Variants in PTPRN2 observed in about 807,000 individuals in gnomAD.
PTPRN2 encodes the protein protein tyrosine phosphatase receptor type N2.
Under a neutral mutation model 118.8 loss-of-function variants are expected in PTPRN2, and 74 were observed. The ratio of observed to expected loss-of-function variants is 0.62; its 90% CI spans 0.52 to 0.76. The LOEUF (loss-of-function observed/expected upper bound fraction) is 0.76, where lower values mean the gene tolerates loss of function less well. PTPRN2 is among the 30% of genes least tolerant of loss of function. PTPRN2 has a pLI of 0.00. For missense variants in PTPRN2, 1,481 were observed against 1,394.4 expected, an observed-to-expected ratio of 1.06 and a Z score of -0.99; for synonymous variants, 641 against 608.0, an observed-to-expected ratio of 1.05 and a Z score of -0.80.
intron 11 of PTPRN2, among the ~76,000 whole-genome samples, chr7:157,978,224 G>T (rs531942810): frequency 6.6e-6 from 1 of 152,074 alleles, no homozygotes. Context: ...CTCAGACATC[G>T]GTGAAACTCT....
chr7:157,657,296 C>A, intron 13 of PTPRN2, among the ~76,000 whole-genome samples: 1 of 70,850 alleles, frequency 1.4e-5, no homozygotes. Context: ...ACACATCACA[C>A]ATATACACAC....
intron 11 of PTPRN2, among the ~76,000 whole-genome samples, chr7:157,980,994 G>C (rs1803096906): frequency 6.6e-6 from 1 of 151,828 alleles, no homozygotes; most frequent in Non-Finnish European, 1.5e-5. Flanking sequence ...GACAGGTGGG[G>C]GGTAAGTAGC....
At chr7:158,241,210 C>T (rs1795886227) in intron 3 of PTPRN2, among the ~76,000 whole-genome samples, 1 of 152,174 alleles carries the variant, frequency 6.6e-6, no homozygotes, top group Non-Finnish European at 1.5e-5. Context: ...TGCTGACGGA[C>T]TTTAATTAGA....
chr7:157,754,063 G>A (rs1455142776), intron 12 of PTPRN2, among the ~76,000 whole-genome samples: 3 of 152,258 alleles, frequency 2.0e-5, no homozygotes, highest in East Asian at 1.9e-4. Context: ...CAGGCGTTGT[G>A]GCTGGGATCT....
At chr7:157,901,933 G>A (rs919981275) in intron 11 of PTPRN2, among the ~76,000 whole-genome samples, 3 of 150,892 alleles carry the variant, frequency 2.0e-5, no homozygotes, top group Non-Finnish European at 3.0e-5. Context: ...CTTCCCGTCC[G>A]TGTTTCCTGG....
rs368945867 is a variant in PTPRN2, at chr7:158,475,691, G to A, written c.163+14044C>T. Among the ~76,000 whole-genome samples, 3 of 152,152 alleles carry A rather than the reference G, an allele frequency of 2.0e-5. No individual in the cohort carries two copies. The South Asian group carries it at 6.2e-4, about 32-fold the overall frequency. ...TCCTACCTCCCCTCTCAGGCCTGTG[G>A]GGTCAAGCAGCTATTCTAACTACTG... On this transcript the variant is annotated intron_variant, in intron 2 of 22. Coordinates refer to ENST00000389418, the MANE Select transcript of PTPRN2 (RefSeq NM_002847.5).
At chr7:158,538,745 G>A (rs773200232) in intron 1 of PTPRN2, among the ~76,000 whole-genome samples, 10 of 152,190 alleles carry the variant, frequency 6.6e-5, no homozygotes, top group African/African-American at 2.4e-4. Context: ...ACCACGGGGC[G>A]GGAAGAGGAA....
chr7:157,645,891 C>T (rs1805038465), intron 14 of PTPRN2, among the ~76,000 whole-genome samples: 1 of 152,204 alleles, frequency 6.6e-6, no homozygotes, highest in African/African-American at 2.4e-5. Flanking sequence ...GGACACAGTC[C>T]CACCCCTTGG....
chr7:157,665,377 T>C (rs1007283193), intron 13 of PTPRN2, among the ~76,000 whole-genome samples: 4 of 152,228 alleles, frequency 2.6e-5, no homozygotes, highest in African/African-American at 9.6e-5. Context: ...TAATTAAATA[T>C]GAATGAAGAA....
intron 9 of PTPRN2, among the ~76,000 whole-genome samples, chr7:158,129,767 G>A (rs1448101693): frequency 5.9e-5 from 9 of 152,280 alleles, no homozygotes; most frequent in Middle Eastern, 3.4e-3. Flanking sequence ...GTGCAGACAC[G>A]CAGCCTCAGA....
chr7:158,352,583 A>G (rs1351519155), intron 2 of PTPRN2, among the ~76,000 whole-genome samples: 2 of 152,220 alleles, frequency 1.3e-5, no homozygotes, highest in Admixed American at 1.3e-4. Flanking sequence ...AGGTGAGGTC[A>G]GGCAGCAGAA....
At chr7:158,319,194 A>G (rs1802596546) in intron 2 of PTPRN2, among the ~76,000 whole-genome samples, 1 of 152,232 alleles carries the variant, frequency 6.6e-6, no homozygotes, top group African/African-American at 2.4e-5. Context: ...TAATAATTTT[A>G]GCTACTTGAC....
chr7:158,401,490 C>T (rs918799996), intron 2 of PTPRN2, among the ~76,000 whole-genome samples: 5 of 152,200 alleles, frequency 3.3e-5, no homozygotes, highest in Admixed American at 3.3e-4. Context: ...CGATGGACCC[C>T]AAGGGAGCAG....
intron 6 of PTPRN2, among the ~76,000 whole-genome samples, chr7:158,153,174 C>G (rs993743107): frequency 6.6e-6 from 1 of 152,186 alleles, no homozygotes; most frequent in Non-Finnish European, 1.5e-5. Flanking sequence ...CCCAGGCCAT[C>G]AAGCATTCGG....
At chr7:157,652,541 T>G (rs535023582) in intron 14 of PTPRN2, among the ~76,000 whole-genome samples, 44 of 152,318 alleles carry the variant, frequency 2.9e-4, no homozygotes, top group African/African-American at 1.0e-3. Flanking sequence ...ACCCAGCGGC[T>G]GCCCCAATGA....
chr7:158,092,875 G>A (rs1317860014), intron 10 of PTPRN2, among the ~76,000 whole-genome samples: 1 of 152,150 alleles, frequency 6.6e-6, no homozygotes, highest in Non-Finnish European at 1.5e-5. Context: ...TTGAGTAGGT[G>A]GGCGCAAACC....
intron 2 of PTPRN2, among the ~76,000 whole-genome samples, chr7:158,359,505 G>A (rs183606891): frequency 6.6e-6 from 1 of 152,288 alleles, no homozygotes; most frequent in East Asian, 1.9e-4. Flanking sequence ...ACGAAGGCCT[G>A]CCCAAGGACT....
intron 2 of PTPRN2, among the ~76,000 whole-genome samples, chr7:158,464,536 C>T (rs1018344690): frequency 4.6e-5 from 7 of 150,624 alleles, no homozygotes; most frequent in African/African-American, 9.8e-5. Flanking sequence ...TCCTTACCAT[C>T]GCCATCATTG....
intron 10 of PTPRN2, among the ~76,000 whole-genome samples, chr7:158,085,188 C>T (rs1342335775): frequency 1.9e-4 from 25 of 132,304 alleles, no homozygotes; most frequent in Non-Finnish European, 2.9e-4. Flanking sequence ...ACACCCACGA[C>T]GCCCATCCAC....
Sources: allele counts gnomAD v4.1 joint callset (sites outside exome capture counted in the v4.1 genomes callset), GRCh38; gene constraint gnomAD v4.1.1; transcripts MANE v1.5; gene names NCBI Gene and HGNC (gene_info 2026-07-23, HGNC 2026-07-21).